ETV6: variants seen among roughly 807,000 people sequenced by gnomAD.
ETV6 encodes transcription factor ETV6.
Under a neutral mutation model 51.1 loss-of-function variants are expected in ETV6, and 16 were observed. The observed-to-expected ratio is 0.31, with a 90% CI of 0.21 to 0.48. The LOEUF (loss-of-function observed/expected upper bound fraction) is 0.48, where lower values mean the gene tolerates loss of function less well. ETV6 is among the 20% of genes least tolerant of loss of function. ETV6 has a pLI of 0.99. For missense variants in ETV6, 458 were observed against 594.8 expected (o/e 0.77, Z 2.39); for synonymous variants, 240 against 224.1 (o/e 1.07, Z -0.64).
chr12:11,687,775 G>GT (rs1217957917), intron 1 of ETV6, among the ~76,000 whole-genome samples: 1 of 152,204 alleles, frequency 6.6e-6, no homozygotes, highest in Non-Finnish European at 1.5e-5. Flanking sequence ...GAAGCCATAT[G>GT]TGTAAGATGA....
At chr12:11,816,945 A>T (rs1367267039) in intron 2 of ETV6, among the ~76,000 whole-genome samples, 5 of 152,222 alleles carry the variant, frequency 3.3e-5, no homozygotes, top group African/African-American at 7.2e-5. Flanking sequence ...GTCCCAAGCC[A>T]GGGATAGCAC....
chr12:11,853,270 G>T (rs528393905), intron 3 of ETV6, among the ~76,000 whole-genome samples, 157 bp from the exon 4 acceptor site: 1 of 152,324 alleles, frequency 6.6e-6, no homozygotes, highest in East Asian at 1.9e-4. Flanking sequence ...TTCAAGTGCT[G>T]CATTCTGTGC....
At chr12:11,854,673 C>T (rs1055294282) in intron 4 of ETV6, among the ~76,000 whole-genome samples, 1 of 152,118 alleles carries the variant, frequency 6.6e-6, no homozygotes, top group African/African-American at 2.4e-5. Context: ...GTCCAAGGAG[C>T]TTAGCTTGGA....
rs1433080338 is a variant in ETV6 at position 11,670,021 on chromosome 12, T to TTA, written c.33+19861_33+19862insTA. ...ACCCCAATCACATTCCTTCCCAAAA[T>TTA]GACTGTGTTAGTACTTAATTGTTCA... On this transcript the variant is annotated intron_variant, in intron 1 of 7. Coordinates refer to ENST00000396373, the MANE Select transcript of ETV6 (RefSeq NM_001987.5). 4.6e-3 allele frequency among the ~76,000 whole-genome samples: 702 copies of TTA among 152,316 alleles called. 7 individuals are homozygous for TTA. Among genetic ancestry groups the TTA allele is most frequent in the African/African-American group, 0.016 (672 of 41,544 alleles).
chr12:11,845,970 C>T (rs1946455837), intron 3 of ETV6, among the ~76,000 whole-genome samples: 1 of 141,184 alleles, frequency 7.1e-6, no homozygotes, highest in South Asian at 2.2e-4. Context: ...CCAGCCTGGG[C>T]AACAGAGTGA....
chr12:11,784,430 G>A (rs1173160896), intron 2 of ETV6, among the ~76,000 whole-genome samples: 2 of 146,576 alleles, frequency 1.4e-5, no homozygotes, highest in African/African-American at 5.1e-5. Flanking sequence ...CTGCACTCGC[G>A]CCTGGGTGAC....
chr12:11,832,768 A>G (rs1054936058), intron 2 of ETV6, among the ~76,000 whole-genome samples: 1 of 152,234 alleles, frequency 6.6e-6, no homozygotes, highest in African/African-American at 2.4e-5. Context: ...TTCATGGATG[A>G]GCTTGGAAAA....
In ETV6 at chr12:11,891,477, C is replaced by A. The variant is rs1180971063; in HGVS notation, c.*431C>A. Reference sequence around the variant, plus strand: ...ATATCTATTATATATATATTTTTTGCAAATCTCACAAAGTGCGGCAAGCCC... The same window carrying A: ...ATATCTATTATATATATATTTTTTGAAAATCTCACAAAGTGCGGCAAGCCC... On this transcript the variant is annotated 3_prime_UTR_variant, in exon 8 of 8. Transcript: ENST00000396373. The A allele has an allele frequency of 1.0e-5, 5 of 482,742 alleles. No homozygotes were observed. Among genetic ancestry groups the A allele is most frequent in the Non-Finnish European group, 1.9e-5 (5 of 257,106 alleles). 29.9% of individuals were successfully genotyped at this position (482,742 alleles called of 1,614,324 possible).
At chr12:11,753,647 C>T (rs971014093) in intron 2 of ETV6, among the ~76,000 whole-genome samples, 2 of 152,202 alleles carry the variant, frequency 1.3e-5, no homozygotes, top group African/African-American at 4.8e-5. Context: ...GAACAGGAGA[C>T]AGAGGATGCA....
intron 4 of ETV6, among the ~76,000 whole-genome samples, chr12:11,861,268 C>A (rs889731326): frequency 1.3e-5 from 2 of 152,150 alleles, no homozygotes; most frequent in African/African-American, 4.8e-5. Flanking sequence ...CCCACGAGCA[C>A]CACTTAACAC....
chr12:11,850,078 A>G (rs948874661), intron 3 of ETV6, among the ~76,000 whole-genome samples: 2 of 152,160 alleles, frequency 1.3e-5, no homozygotes, highest in Admixed American at 6.5e-5. Flanking sequence ...CCTCGGGTCC[A>G]TGTTCCCACC....
chr12:11,736,423 A>T (rs1865703676), intron 1 of ETV6, among the ~76,000 whole-genome samples: 1 of 152,300 alleles, frequency 6.6e-6, no homozygotes, highest in South Asian at 2.1e-4. Flanking sequence ...GAGATAGGTG[A>T]CATTTGGTGT....
intron 2 of ETV6, among the ~76,000 whole-genome samples, chr12:11,818,373 C>G (rs1591695529): frequency 6.6e-6 from 1 of 151,952 alleles, no homozygotes; most frequent in Non-Finnish European, 1.5e-5. Flanking sequence ...ACATAAGTAA[C>G]AAAAATTAGC....
chr12:11,752,619 C>T (rs372611645), intron 2 of ETV6, 40 bp downstream of exon 2: 48 of 1,581,824 alleles, frequency 3.0e-5, no homozygotes, highest in East Asian at 4.5e-5. Flanking sequence ...GGATTGATGG[C>T]GTGGGGCGGG....
chr12:11,718,666 T>C (rs1865325577), intron 1 of ETV6, among the ~76,000 whole-genome samples: 1 of 151,020 alleles, frequency 6.6e-6, no homozygotes, highest in Non-Finnish European at 1.5e-5. Flanking sequence ...CCCAGCTACT[T>C]GGGAGGCTGA....
chr12:11,849,652 C>T (rs73053904), intron 3 of ETV6, among the ~76,000 whole-genome samples: 8,552 of 152,234 alleles, frequency 0.056, 345 homozygotes, highest in Non-Finnish European at 0.081. Flanking sequence ...CAGATTCCAC[C>T]TCAGCAGAGA....
chr12:11,819,026 CT>C (rs1946037237), intron 2 of ETV6, among the ~76,000 whole-genome samples: 1 of 152,198 alleles, frequency 6.6e-6, no homozygotes, highest in Non-Finnish European at 1.5e-5. Context: ...GGCTTCTCCC[CT>C]CCTTCACAGT....
At position 11,890,531 on chromosome 12, in the gene ETV6, G is replaced by C. The variant is rs372024096; in HGVS notation, c.1254-410G>C. ...CAGCCTTAACCTCCTGAGCTTAAGG[G>C]ATTCTCCCACCTCAGCCTCCCAAGT... On this transcript the variant is annotated intron_variant, in intron 7 of 7. Coordinates refer to ENST00000396373, the MANE Select transcript of ETV6 (RefSeq NM_001987.5). Among the ~76,000 whole-genome samples, 9 of 151,786 alleles carry C rather than the reference G, an allele frequency of 5.9e-5. No homozygotes were observed. In the East Asian group the frequency reaches 1.7e-3, roughly 29 times the overall value.
chr12:11,844,901 G>A (rs982417670), intron 3 of ETV6, among the ~76,000 whole-genome samples: 3 of 151,596 alleles, frequency 2.0e-5, no homozygotes, highest in Non-Finnish European at 4.4e-5. Context: ...CCGTGATCTC[G>A]GCTCACTGCA....
Sources: allele counts gnomAD v4.1 joint callset (sites outside exome capture counted in the v4.1 genomes callset), GRCh38; gene constraint gnomAD v4.1.1; transcripts MANE v1.5; gene names NCBI Gene and HGNC (gene_info 2026-07-23, HGNC 2026-07-21).